IL16: variants seen among roughly 807,000 people sequenced by gnomAD.
IL16 encodes the protein interleukin 16.
A neutral mutation model predicts 110.1 loss-of-function variants in IL16; 67 were observed. The observed-to-expected ratio is 0.61, with a 90% confidence interval of 0.50 to 0.75. The LOEUF is 0.75. IL16 is among the 30% of genes least tolerant of loss of function. IL16 has a pLI of 0.00. For missense variants in IL16, 1,545 were observed against 1,655.0 expected (o/e 0.93, Z 1.15); for synonymous variants, 689 against 662.9 (o/e 1.04, Z -0.61).
chr15:81,258,080 CAA>C (rs1164852501), intron 2 of IL16, among the ~76,000 whole-genome samples: 1 of 152,084 alleles, frequency 6.6e-6, no homozygotes, highest in Non-Finnish European at 1.5e-5. Flanking sequence ...CAATATAACT[CAA>C]GAGTTAAGTG....
chr15:81,280,893 G>T (rs1400140054), intron 8 of IL16, among the ~76,000 whole-genome samples: 3 of 152,188 alleles, frequency 2.0e-5, no homozygotes, highest in Non-Finnish European at 1.5e-5. Flanking sequence ...AATGGGAAAG[G>T]CATGGCCTTG....
intron 8 of IL16, among the ~76,000 whole-genome samples, chr15:81,280,233 G>A (rs1252432698): frequency 6.6e-6 from 1 of 152,196 alleles, no homozygotes; most frequent in Non-Finnish European, 1.5e-5. Flanking sequence ...GGGGCTCGGA[G>A]CCCTCTCTGC....
In IL16 at chr15:81,303,224, C is replaced by G. The variant is rs1043801248; in HGVS notation, c.3319-325C>G. On this transcript the variant is annotated intron_variant, in intron 15 of 18. Coordinates refer to ENST00000683961, the MANE Select transcript of IL16 (RefSeq NM_172217.5). The surrounding 1 kb of genome is among the most constrained non-coding windows in gnomAD (Gnocchi z 4.1). ...TTTTGTTTTACCTGAAGTCCTACAA[C>G]CTGACTTCATCTCACACTGTCCAAT... is the stretch of plus-strand genomic sequence containing the variant. The G allele has an allele frequency of 2.9e-5, 6 of 207,362 alleles. No individual in the cohort carries two copies. Among genetic ancestry groups the G allele is most frequent in the Non-Finnish European group, 4.8e-5 (5 of 103,250 alleles). The allele number at this position is 207,362 out of a possible 1,614,324, so 12.8% of individuals were successfully genotyped here. A position where few individuals can be genotyped will look rare whatever the true frequency, so the allele number is the denominator to read the frequency against.
At chr15:81,184,562 G>A (rs62035264) in intron 1 of IL16, among the ~76,000 whole-genome samples, 2,018 of 152,316 alleles carry the variant, frequency 0.013, 15 homozygotes, top group Non-Finnish European at 0.02. Flanking sequence ...TCCCGAGAGG[G>A]ACTCAGTTGT....
chr15:81,201,866 A>G (rs1895828913), intron 1 of IL16, among the ~76,000 whole-genome samples: 1 of 152,166 alleles, frequency 6.6e-6, no homozygotes. Context: ...TTCCAATTCT[A>G]TGTAGCACAA....
At chr15:81,264,828 ATTAT>A (rs1378602023) in intron 3 of IL16, among the ~76,000 whole-genome samples, 11 of 152,370 alleles carry the variant, frequency 7.2e-5, no homozygotes, top group African/African-American at 2.6e-4. Flanking sequence ...AATTTTACAT[ATTAT>A]TTATATGTTG....
At position 81,308,800 on chromosome 15, in the gene IL16, C is replaced by T; in HGVS notation, c.*2C>T. On this transcript the variant is annotated 3_prime_UTR_variant, in exon 19 of 19. Transcript: ENST00000683961. ...ACCACAGCTGCTGGAGACTCCTAGG[C>T]AGGACATGCTGAAGCCAAAGCCAAT... 6.2e-7 allele frequency: 1 copy of T among 1,608,674 alleles called. No individual in the cohort carries two copies. Among genetic ancestry groups the T allele is most frequent in the Non-Finnish European group, 8.5e-7 (1 of 1,178,116 alleles).
chr15:81,200,007 A>G (rs1480512409), intron 1 of IL16, among the ~76,000 whole-genome samples: 1 of 152,070 alleles, frequency 6.6e-6, no homozygotes, highest in African/African-American at 2.4e-5. Flanking sequence ...ATCAGAGAAA[A>G]CCTGAAAGTA....
intron 2 of IL16, among the ~76,000 whole-genome samples, chr15:81,243,163 ATTTTTTTTTTTTTT>A (rs1219851899): frequency 1.3e-4 from 2 of 15,016 alleles, no homozygotes; most frequent in African/African-American, 4.5e-4. Context: ...ATATATATAT[ATTTTTTTTTTTTTT>A]TTTTTTTTTT....
chr15:81,204,799 T>C (rs1419420163), intron 1 of IL16, among the ~76,000 whole-genome samples: 2 of 150,946 alleles, frequency 1.3e-5, no homozygotes, highest in African/African-American at 2.4e-5. Context: ...GGAAGCAGCC[T>C]GCACCAAGTC....
intron 2 of IL16, among the ~76,000 whole-genome samples, chr15:81,258,087 TAAGTG>T (rs1387307512): frequency 5.9e-5 from 9 of 152,274 alleles, no homozygotes; most frequent in East Asian, 5.8e-4. Context: ...ACTCAAGAGT[TAAGTG>T]AAGATCATTG....
At position 81,300,211 on chromosome 15, in the gene IL16, A is replaced by G. The variant is rs751504194; in HGVS notation, c.2885A>G (p.Gln962Arg). 1 of 1,614,242 alleles carries G rather than the reference A, an allele frequency of 6.2e-7. No homozygotes were observed. The highest frequency in any genetic ancestry group is 1.3e-5 in the African/African-American group (1 of 75,068). ...SQGPVLKMPSQRARSFPLTRS... is the reference protein window; with the variant it reads ...SQGPVLKMPSRRARSFPLTRS... ...GGCCCAGTGCTCAAGATGCCTAGCC[A>G]GCGAGCACGGAGCTTCCCCCTGACC... The change falls in exon 14 of 19, where the codon CAG (glutamine) becomes CGG (arginine). Residue 962 changes from glutamine to arginine, a missense_variant. By Grantham distance (43) the Gln-to-Arg change is conservative. Coordinates refer to ENST00000683961, the MANE Select transcript of IL16 (RefSeq NM_172217.5).
chr15:81,287,269 A>G (rs1354461329), intron 10 of IL16, among the ~76,000 whole-genome samples: 1 of 152,180 alleles, frequency 6.6e-6, no homozygotes, highest in African/African-American at 2.4e-5. Flanking sequence ...AGAAGAGGAA[A>G]AGGTAGCAGG....
In IL16 at chr15:81,305,956, C is replaced by G; in HGVS notation, c.3469C>G (p.Gln1157Glu). 1 of 1,614,200 alleles carries G rather than the reference C, an allele frequency of 6.2e-7. No individual in the cohort carries two copies. Among genetic ancestry groups the G allele is most frequent in the South Asian group, 1.1e-5 (1 of 91,086 alleles). ...GCTGGCCTCCCAGGAAGGGACTATT[C>G]AGAAGGGCAATGAGGTTCTTTCCAT... ...NGLASQEGTI[Q>E]KGNEVLSING... The change falls in exon 17 of 19, where the codon CAG becomes GAG. Residue 1157 changes from glutamine (Q) to glutamate (E), a missense_variant. This residue lies in a region of IL16 where 356 missense variants were observed against 399.3 expected (regional missense o/e 0.89). Coordinates refer to ENST00000683961, the MANE Select transcript of IL16 (RefSeq NM_172217.5).
At chr15:81,284,856 A>G (rs1308907009) in intron 9 of IL16, among the ~76,000 whole-genome samples, 1 of 152,224 alleles carries the variant, frequency 6.6e-6, no homozygotes, top group East Asian at 1.9e-4. Flanking sequence ...TGCTATTAAT[A>G]TAACAGCAGA....
intron 4 of IL16, among the ~76,000 whole-genome samples, chr15:81,269,124 C>T (rs1329113108): frequency 6.6e-6 from 1 of 152,250 alleles, no homozygotes; most frequent in African/African-American, 2.4e-5. Flanking sequence ...CCACCTCCTG[C>T]CTGGCACAAG....
intron 10 of IL16, among the ~76,000 whole-genome samples, chr15:81,287,591 C>A (rs1899508151): frequency 6.6e-6 from 1 of 152,176 alleles, no homozygotes; most frequent in Admixed American, 6.5e-5. Flanking sequence ...ATATTTCCCC[C>A]CCAACTCACA....
intron 2 of IL16, among the ~76,000 whole-genome samples, chr15:81,242,252 A>C (rs1331086115): frequency 6.6e-6 from 1 of 152,188 alleles, no homozygotes; most frequent in African/African-American, 2.4e-5. Context: ...ATTTTGGAAT[A>C]ATTTTGTCTA....
chr15:81,287,967 T>G (rs1899524856), intron 10 of IL16, among the ~76,000 whole-genome samples: 1 of 152,132 alleles, frequency 6.6e-6, no homozygotes, highest in South Asian at 2.1e-4. Context: ...AGAAAATCAG[T>G]GGAGTAGGGC....
Sources: gnomAD v4.1 joint callset for allele counts (sites outside exome capture counted in the v4.1 genomes callset) on GRCh38, gnomAD v4.1.1 for gene constraint, gnomAD v4.1.1 regional missense constraint, Gnocchi (gnomAD v3.1) non-coding constraint, MANE v1.5 for transcripts, NCBI Gene and HGNC (gene_info 2026-07-23, HGNC 2026-07-21) for gene names.